Variants in DMD observed in about 807,000 individuals in gnomAD.
DMD encodes the protein mutant dystrophin.
Under a neutral mutation model 330.1 loss-of-function variants are expected in DMD, and 63 were observed. The ratio of observed to expected loss-of-function variants is 0.19; its 90% CI spans 0.16 to 0.24. The LOEUF (loss-of-function observed/expected upper bound fraction) is 0.24, where lower values mean the gene tolerates loss of function less well. Ranked by LOEUF, DMD falls within the 10% of genes least tolerant of loss-of-function variation. The pLI, the probability that DMD is intolerant of heterozygous loss-of-function variation, is 1.00. For synonymous variants in DMD, 1,223 were observed against 959.8 expected (o/e 1.27, Z -5.07); for missense variants, 3,344 against 2,684.1 (o/e 1.25, Z -5.43).
At chrX:32,353,411 A>G (rs769410565) in intron 37 of DMD, among the ~76,000 whole-genome samples, 10 of 111,881 alleles carry the variant, frequency 8.9e-5, no homozygotes, top group South Asian at 3.6e-4. Flanking sequence ...TTTAAAACAC[A>G]AAGTATATCA....
At chrX:31,779,732 CAG>C in intron 50 of DMD, among the ~76,000 whole-genome samples, 1 of 107,208 alleles carries the variant, frequency 9.3e-6, no homozygotes, top group Non-Finnish European at 1.9e-5. Context: ...GAGAGACAGA[CAG>C]AGACAGAGCA....
At chrX:31,382,498 C>T (rs780338389) in intron 60 of DMD, among the ~76,000 whole-genome samples, 3 of 111,923 alleles carry the variant, frequency 2.7e-5, no homozygotes, top group African/African-American at 6.5e-5. Context: ...ATCCCCAAAC[C>T]ACCACTCTTA....
intron 60 of DMD, among the ~76,000 whole-genome samples, chrX:31,361,919 G>A (rs865792774): frequency 2.7e-5 from 3 of 110,859 alleles, no homozygotes; most frequent in African/African-American, 9.8e-5. Flanking sequence ...ACAGGCATGC[G>A]CCAACCCACC....
At chrX:31,585,785 C>A (rs1489277893) in intron 55 of DMD, among the ~76,000 whole-genome samples, 2 of 111,309 alleles carry the variant, frequency 1.8e-5, no homozygotes, top group Non-Finnish European at 3.8e-5. Flanking sequence ...CAATAGTATC[C>A]CCTGGGAATT....
chrX:32,071,782 C>T (rs1259342207), intron 44 of DMD, among the ~76,000 whole-genome samples: 1 of 111,202 alleles, frequency 9.0e-6, no homozygotes, highest in African/African-American at 3.3e-5. Flanking sequence ...ATATCATTTG[C>T]TAGGAGTAAA....
At chrX:31,478,830 T>G (rs909199275) in intron 58 of DMD, among the ~76,000 whole-genome samples, 153 bp downstream of exon 58, 2 of 111,088 alleles carry the variant, frequency 1.8e-5, no homozygotes, top group African/African-American at 6.5e-5. Flanking sequence ...TGAGTCCTTA[T>G]TTTTTTTTCA....
intron 45 of DMD, among the ~76,000 whole-genome samples, chrX:31,948,423 T>A (rs1192237388): frequency 4.5e-5 from 5 of 111,631 alleles, no homozygotes; most frequent in Admixed American, 2.9e-4. Context: ...GTTCTATTTT[T>A]AACTTTTTCA....
chrX:33,237,361 A>G (rs1217690047), intron 1 of DMD, among the ~76,000 whole-genome samples: 1 of 108,927 alleles, frequency 9.2e-6, no homozygotes, highest in Non-Finnish European at 1.9e-5. Context: ...CTTCTGCCTC[A>G]GCCTCCCAAG....
intron 7 of DMD, among the ~76,000 whole-genome samples, chrX:32,757,489 C>T (rs1328676835): frequency 9.0e-6 from 1 of 111,325 alleles, no homozygotes; most frequent in East Asian, 2.8e-4. Flanking sequence ...TTGTAGCTCC[C>T]GTAATTCCCA....
intron 67 of DMD, among the ~76,000 whole-genome samples, chrX:31,196,055 T>C (rs951263151): frequency 1.8e-5 from 2 of 111,922 alleles, no homozygotes; most frequent in African/African-American, 6.5e-5. Context: ...ATAGAGAAGT[T>C]AATCAAACAA....
intron 55 of DMD, among the ~76,000 whole-genome samples, chrX:31,624,476 G>T (rs990482983): frequency 8.9e-5 from 10 of 112,228 alleles, no homozygotes; most frequent in African/African-American, 3.2e-4. Context: ...ATCTTACGAA[G>T]TGGCTGATAG....
At position 32,855,968 on chromosome X, in the gene DMD, A is replaced by AT. The variant is rs200142150; in HGVS notation, c.94-6149_94-6148insA. Among the ~76,000 whole-genome samples the AT allele has an allele frequency of 6.2e-3, 696 of 112,109 alleles. 5 individuals carry two copies. Among genetic ancestry groups the AT allele is most frequent in the African/African-American group, 0.02 (625 of 30,874 alleles). On this transcript the variant is annotated intron_variant, in intron 2 of 78. Coordinates refer to ENST00000357033, the MANE Select transcript of DMD (RefSeq NM_004006.3). ...GGGGCTCAAACAACTCCATAGAAAA[A>AT]AATATATATAATCATCTGATTGAAA...
chrX:32,189,755 G>T (rs2096963893), intron 44 of DMD, among the ~76,000 whole-genome samples: 1 of 110,696 alleles, frequency 9.0e-6, no homozygotes, highest in Non-Finnish European at 1.9e-5. Flanking sequence ...CCTGCCAAAG[G>T]TCACGTGGGT....
chrX:32,073,852 A>T (rs1033967982), intron 44 of DMD, among the ~76,000 whole-genome samples: 5 of 111,547 alleles, frequency 4.5e-5, no homozygotes, highest in Non-Finnish European at 7.5e-5. Context: ...ACCCATTTCA[A>T]CCATAGATTG....
intron 44 of DMD, among the ~76,000 whole-genome samples, chrX:32,052,970 A>G (rs1447593282): frequency 9.0e-6 from 1 of 111,385 alleles, no homozygotes; most frequent in Admixed American, 9.6e-5. Flanking sequence ...AGACTTTGGG[A>G]AGACTTGGGC....
chrX:32,833,231 T>C (rs2079301165), intron 4 of DMD, among the ~76,000 whole-genome samples: 1 of 111,532 alleles, frequency 9.0e-6, no homozygotes. Context: ...TTATTTTTAA[T>C]GGAGTCATGT....
intron 62 of DMD, among the ~76,000 whole-genome samples, chrX:31,302,433 T>A (rs2054719895): frequency 1.8e-5 from 2 of 111,747 alleles, no homozygotes; most frequent in Admixed American, 1.9e-4. Flanking sequence ...CAAGATTAGA[T>A]TTGATTCACT....
chrX:31,240,868 C>G (rs1334269058), intron 63 of DMD, among the ~76,000 whole-genome samples: 1 of 111,575 alleles, frequency 9.0e-6, no homozygotes, highest in Non-Finnish European at 1.9e-5. Context: ...CCATTTGACC[C>G]TAAAGCCCTT....
chrX:32,509,810 G>C (rs912044628), intron 18 of DMD, among the ~76,000 whole-genome samples: 8 of 111,395 alleles, frequency 7.2e-5, no homozygotes, highest in African/African-American at 2.0e-4. Flanking sequence ...CCCTGAGCTC[G>C]CACTTTGGAG....
Sources: gnomAD v4.1 joint callset for allele counts (sites outside exome capture counted in the v4.1 genomes callset) on GRCh38, gnomAD v4.1.1 for gene constraint, MANE v1.5 for transcripts, NCBI Gene and HGNC (gene_info 2026-07-23, HGNC 2026-07-21) for gene names.